Variants in SERPINI1 observed in about 807,000 individuals in gnomAD.
SERPINI1 encodes the protein serpin family I member 1.
Under a neutral mutation model 41.1 loss-of-function variants are expected in SERPINI1, and 19 were observed. The ratio of observed to expected loss-of-function variants is 0.46; its 90% CI spans 0.32 to 0.68. The LOEUF (loss-of-function observed/expected upper bound fraction) is 0.68. Ranked by LOEUF, SERPINI1 falls within the 30% of genes least tolerant of loss-of-function variation. The pLI is 0.03. For synonymous variants in SERPINI1, 138 were observed against 156.6 expected (o/e 0.88, Z 0.89); for missense variants, 460 against 479.2 (o/e 0.96, Z 0.37).
rs75409720 is a variant in SERPINI1, at chr3:167,786,874, T to C, written c.-18-2237T>C. On this transcript the variant is annotated intron_variant, in intron 1 of 8. Transcript: ENST00000446050. ...CCTAGGCTTCATATTCACTTACCTC[T>C]TACTCACTCACTTACCCAAAGAACT... is the stretch of plus-strand genomic sequence containing the variant. 6.4e-3 allele frequency among the ~76,000 whole-genome samples: 982 copies of C among 152,290 alleles called. 7 individuals are homozygous for C. Among genetic ancestry groups the C allele is most frequent in the Middle Eastern group, 0.041 (12 of 294 alleles).
chr3:167,813,964 C>T (rs1050114156), intron 6 of SERPINI1, among the ~76,000 whole-genome samples: 1 of 152,174 alleles, frequency 6.6e-6, no homozygotes, highest in Admixed American at 6.5e-5. Flanking sequence ...CTAGCTTTTC[C>T]TTCCATCTGA....
At chr3:167,773,163 A>T (rs2108547222) in intron 1 of SERPINI1, among the ~76,000 whole-genome samples, 1 of 151,816 alleles carries the variant, frequency 6.6e-6, no homozygotes, top group South Asian at 2.1e-4. Context: ...TCCTAACTAT[A>T]CCAGGGCAGT....
At chr3:167,780,452 C>G (rs756537629) in intron 1 of SERPINI1, among the ~76,000 whole-genome samples, 22 of 152,292 alleles carry the variant, frequency 1.4e-4, no homozygotes, top group Middle Eastern at 3.4e-3. Context: ...GGGTTATTCA[C>G]TTTTCCTAGC....
intron 5 of SERPINI1, among the ~76,000 whole-genome samples, chr3:167,801,642 A>G (rs1192202068): frequency 1.3e-5 from 2 of 152,174 alleles, no homozygotes; most frequent in Non-Finnish European, 2.9e-5. Flanking sequence ...CGAGAGCATC[A>G]TGGAAATCAT....
Position 167,807,390 on chromosome 3 carries a change from A to T in SERPINI1, c.979+49A>T, listed in dbSNP as rs763690398. 5.1e-6 allele frequency: 6 copies of T among 1,180,892 alleles called. No homozygotes were observed. In the Admixed American group the frequency reaches 1.0e-4, roughly 20 times the overall value. 73.2% of individuals were successfully genotyped at this position (1,180,892 alleles called of 1,614,324 possible). Reference sequence around the variant, plus strand: ...AAAAATGTTATTCCATAAGAGCTTTATTAAATGATGATATTAAATCCTCTA... The same window carrying T: ...AAAAATGTTATTCCATAAGAGCTTTTTTAAATGATGATATTAAATCCTCTA... On this transcript the variant is annotated intron_variant, in intron 6 of 8. Transcript: ENST00000446050.
intron 6 of SERPINI1, among the ~76,000 whole-genome samples, chr3:167,814,161 T>C (rs1711990040): frequency 6.6e-6 from 1 of 152,186 alleles, no homozygotes; most frequent in African/African-American, 2.4e-5. Flanking sequence ...TACCCTGAAA[T>C]TGTAGTCATT....
At chr3:167,798,923 A>G (rs1221331753) in intron 5 of SERPINI1, among the ~76,000 whole-genome samples, 1 of 152,148 alleles carries the variant, frequency 6.6e-6, no homozygotes, top group Non-Finnish European at 1.5e-5. Flanking sequence ...TTTGTATCCT[A>G]AACCTCAGCA....
chr3:167,786,687 A>G (rs1332018760), intron 1 of SERPINI1, among the ~76,000 whole-genome samples: 1 of 151,960 alleles, frequency 6.6e-6, no homozygotes, highest in Non-Finnish European at 1.5e-5. Flanking sequence ...TAAACACTGT[A>G]TACTTTGGCT....
At chr3:167,768,655 G>A (rs2108544060) in intron 1 of SERPINI1, among the ~76,000 whole-genome samples, 1 of 152,298 alleles carries the variant, frequency 6.6e-6, no homozygotes, top group African/African-American at 2.4e-5. Flanking sequence ...AAACTGAAAT[G>A]TATCCTGTTG....
Position 167,794,733 on chromosome 3 carries a change from C to T in SERPINI1, c.790C>T (p.Leu264Phe). 6.2e-7 allele frequency: 1 copy of T among 1,613,716 alleles called. No individual in the cohort carries two copies. The highest frequency in any genetic ancestry group is 8.5e-7 in the Non-Finnish European group (1 of 1,179,814). The change falls in exon 5 of 9, where the codon CTT (leucine) becomes TTT (phenylalanine). Residue 264 changes from leucine to phenylalanine, a missense_variant. Physicochemically the swap from Leu to Phe is conservative, Grantham distance 22. Coordinates refer to ENST00000446050, the MANE Select transcript of SERPINI1 (RefSeq NM_001122752.2). Reference protein sequence around the residue: ...MLVLSRQEVPLATLEPLVKAQ... With the variant: ...MLVLSRQEVPFATLEPLVKAQ... The stretch of plus-strand genomic sequence containing the variant: ...GGTGCTGTCCAGACAGGAAGTTCCT[C>T]TTGCTACTCTGGAGCCATTAGTCAA...
intron 1 of SERPINI1, among the ~76,000 whole-genome samples, chr3:167,741,835 T>A (rs919166510): frequency 2.0e-5 from 3 of 152,220 alleles, no homozygotes; most frequent in Admixed American, 2.0e-4. Flanking sequence ...ATATCTTATG[T>A]CCTTTGACAT....
rs1375519773 is a variant in SERPINI1, at chr3:167,803,828, C to G, written c.882-3416C>G. Among the ~76,000 whole-genome samples the G allele has an allele frequency of 9.2e-5, 14 of 152,106 alleles. 1 individual carries two copies. Among genetic ancestry groups the G allele is most frequent in the Admixed American group, 9.2e-4 (14 of 15,258 alleles). ...CTATGCTACTTATTAACTGTATGAC[C>G]TTGGTTATACAGGTTATTTCATCTT... On this transcript the variant is annotated intron_variant, in intron 5 of 8. Transcript: ENST00000446050.
chr3:167,814,234 C>A (rs936380652), intron 6 of SERPINI1, among the ~76,000 whole-genome samples: 2 of 152,250 alleles, frequency 1.3e-5, no homozygotes, highest in South Asian at 2.1e-4. Context: ...TAGGAAGGAA[C>A]TATTTAGTTC....
intron 1 of SERPINI1, among the ~76,000 whole-genome samples, chr3:167,747,540 A>T (rs945701071): frequency 2.6e-5 from 4 of 152,132 alleles, no homozygotes; most frequent in African/African-American, 7.2e-5. Flanking sequence ...GCTACTCGAG[A>T]GGCTGAGGCA....
intron 6 of SERPINI1, among the ~76,000 whole-genome samples, chr3:167,817,699 G>C (rs1340822520): frequency 6.6e-6 from 1 of 151,932 alleles, no homozygotes; most frequent in East Asian, 1.9e-4. Flanking sequence ...CTGGGTTCAC[G>C]CCATTCTCCT....
chr3:167,820,591 C>A (rs1235184018), intron 6 of SERPINI1, among the ~76,000 whole-genome samples: 1 of 152,212 alleles, frequency 6.6e-6, no homozygotes, highest in African/African-American at 2.4e-5. Context: ...CCCCTGCCGA[C>A]TGGGCCCCCT....
chr3:167,755,066 C>T (rs1378862916), intron 1 of SERPINI1, among the ~76,000 whole-genome samples: 1 of 152,202 alleles, frequency 6.6e-6, no homozygotes, highest in East Asian at 1.9e-4. Flanking sequence ...AAATCCCATT[C>T]CTTCTTGACT....
intron 6 of SERPINI1, among the ~76,000 whole-genome samples, chr3:167,813,505 G>A (rs530240839): frequency 9.9e-5 from 15 of 152,184 alleles, no homozygotes; most frequent in African/African-American, 3.1e-4. Context: ...GGAATCTTCT[G>A]CTTGGAATGT....
At chr3:167,771,818 AGTGTGTGTGTGTGCGCGTGT>A (rs948861426) in intron 1 of SERPINI1, among the ~76,000 whole-genome samples, 2 of 147,730 alleles carry the variant, frequency 1.4e-5, no homozygotes, top group African/African-American at 5.2e-5. Flanking sequence ...ACTGTGTGTG[AGTGTGTGTGTGTGCGCGTGT>A]GTGTGTGTGC....
Sources: gnomAD v4.1 joint callset for allele counts (sites outside exome capture counted in the v4.1 genomes callset) on GRCh38, gnomAD v4.1.1 for gene constraint, MANE v1.5 for transcripts, NCBI Gene and HGNC (gene_info 2026-07-23, HGNC 2026-07-21) for gene names.